Variants in SCHIP1 observed in about 807,000 individuals in gnomAD.
The protein encoded by SCHIP1 is schwannomin-interacting protein 1.
Under a neutral mutation model 29.7 loss-of-function variants are expected in SCHIP1, and 8 were observed. That is an observed-to-expected ratio of 0.27 (90% CI 0.16 to 0.49). SCHIP1 has a LOEUF of 0.49. Among genes scored for constraint, SCHIP1 ranks in the 20% least tolerant of loss-of-function variants. The pLI is 0.99. For missense variants in SCHIP1, 193 were observed against 294.6 expected, an observed-to-expected ratio of 0.66 and a Z score of 2.52; for synonymous variants, 76 against 94.9, an observed-to-expected ratio of 0.80 and a Z score of 1.16.
chr3:159,531,166 T>C, the SCHIP1 span, among the ~76,000 whole-genome samples: 4 of 152,204 alleles, frequency 2.6e-5, no homozygotes, highest in Non-Finnish European at 2.9e-5. Context: ...TAACTGACAC[T>C]CATGAGAATC....
chr3:159,448,859 T>C, the SCHIP1 span, among the ~76,000 whole-genome samples: 1 of 152,142 alleles, frequency 6.6e-6, no homozygotes, highest in Non-Finnish European at 1.5e-5. Flanking sequence ...CCTTGGGAAG[T>C]TACTCATGTC....
At chr3:159,478,405 A>C in the SCHIP1 span, among the ~76,000 whole-genome samples, 1 of 152,072 alleles carries the variant, frequency 6.6e-6, no homozygotes, top group Non-Finnish European at 1.5e-5. Context: ...TGTGGCCTTC[A>C]TTTGTGGGCC....
At chr3:159,710,282 A>G in the SCHIP1 span, among the ~76,000 whole-genome samples, 1 of 152,176 alleles carries the variant, frequency 6.6e-6, no homozygotes, top group Non-Finnish European at 1.5e-5. Flanking sequence ...AAATTTTGTC[A>G]TTTGAAACAA....
chr3:159,530,900 C>T, the SCHIP1 span, among the ~76,000 whole-genome samples: 8 of 152,158 alleles, frequency 5.3e-5, no homozygotes, highest in South Asian at 1.7e-3. Context: ...GTCAAGAGTA[C>T]CCTTCTGTGT....
At chr3:159,685,460 C>A in the SCHIP1 span, among the ~76,000 whole-genome samples, 1 of 152,160 alleles carries the variant, frequency 6.6e-6, no homozygotes, top group Admixed American at 6.5e-5. Flanking sequence ...ATCAACGACC[C>A]AAAATTTAGA....
the SCHIP1 span, among the ~76,000 whole-genome samples, chr3:159,727,562 AT>A: frequency 6.6e-6 from 1 of 152,098 alleles, no homozygotes; most frequent in Non-Finnish European, 1.5e-5. Context: ...TATTTATTCA[AT>A]TTTTTTAAAG....
chr3:159,426,756 C>T, the SCHIP1 span, among the ~76,000 whole-genome samples: 3 of 152,158 alleles, frequency 2.0e-5, no homozygotes, highest in Non-Finnish European at 4.4e-5. Flanking sequence ...GACCGATATC[C>T]TTGATGAACA....
At chr3:159,503,867 T>C in the SCHIP1 span, among the ~76,000 whole-genome samples, 77 of 152,168 alleles carry the variant, frequency 5.1e-4, no homozygotes, top group African/African-American at 1.8e-3. Context: ...GAATCATAGA[T>C]AAAAGGGGGA....
At chr3:159,445,540 G>T in the SCHIP1 span, among the ~76,000 whole-genome samples, 1 of 152,064 alleles carries the variant, frequency 6.6e-6, no homozygotes, top group African/African-American at 2.4e-5. Context: ...TATACCCAAA[G>T]GACTATAAAT....
chr3:159,559,044 AG>A, the SCHIP1 span, among the ~76,000 whole-genome samples: 1 of 152,240 alleles, frequency 6.6e-6, no homozygotes, highest in Admixed American at 6.5e-5. Context: ...CCTTCAGCTC[AG>A]TGCCATTCCC....
the SCHIP1 span, among the ~76,000 whole-genome samples, chr3:159,510,421 C>T: frequency 1.3e-5 from 2 of 152,182 alleles, no homozygotes; most frequent in Non-Finnish European, 2.9e-5. Context: ...GAACTTCCTC[C>T]TTTAGCTCGG....
At chr3:159,438,371 T>G in the SCHIP1 span, among the ~76,000 whole-genome samples, 1 of 152,002 alleles carries the variant, frequency 6.6e-6, no homozygotes, top group Non-Finnish European at 1.5e-5. Flanking sequence ...CTCAATCCCC[T>G]CAATCCAGAG....
the SCHIP1 span, among the ~76,000 whole-genome samples, chr3:159,600,120 T>C: frequency 6.6e-6 from 1 of 152,206 alleles, no homozygotes; most frequent in Non-Finnish European, 1.5e-5. Context: ...ACTAGGCACC[T>C]TTTTCATGTT....
At chr3:159,303,450 A>AAGAG in the SCHIP1 span, among the ~76,000 whole-genome samples, 105,774 of 147,952 alleles carry the variant, frequency 0.71, 38,331 homozygotes, top group Middle Eastern at 0.77. Flanking sequence ...GAGAGAGAGA[A>AAGAG]AGAGAGAGAG....
chr3:159,641,078 T>A, the SCHIP1 span, among the ~76,000 whole-genome samples: 58 of 152,260 alleles, frequency 3.8e-4, no homozygotes, highest in Non-Finnish European at 1.5e-5. Flanking sequence ...TAAATTTTTT[T>A]AGGGGAGAAC....
chr3:159,537,481 C>T, the SCHIP1 span, among the ~76,000 whole-genome samples: 1 of 152,168 alleles, frequency 6.6e-6, no homozygotes, highest in African/African-American at 2.4e-5. Flanking sequence ...GTTTGTCTCC[C>T]TCCAGTCTTC....
the SCHIP1 span, among the ~76,000 whole-genome samples, chr3:159,642,550 C>A: frequency 6.6e-6 from 1 of 152,074 alleles, no homozygotes; most frequent in African/African-American, 2.4e-5. Flanking sequence ...ATTCCATGAA[C>A]AAACACTAGA....
chr3:159,381,878 G>A, the SCHIP1 span, among the ~76,000 whole-genome samples: 21 of 152,094 alleles, frequency 1.4e-4, no homozygotes, highest in South Asian at 2.1e-4. Flanking sequence ...GATTACAGGC[G>A]TGAGCCACTG....
the SCHIP1 span, among the ~76,000 whole-genome samples, chr3:159,495,948 C>A: frequency 2.0e-5 from 3 of 152,198 alleles, no homozygotes; most frequent in East Asian, 3.9e-4. Flanking sequence ...GAAATAATGC[C>A]GCATATCTAC....
Sources: allele counts gnomAD v4.1 joint callset (sites outside exome capture counted in the v4.1 genomes callset), GRCh38; gene constraint gnomAD v4.1.1; transcripts MANE v1.5; gene names NCBI Gene and HGNC (gene_info 2026-07-23, HGNC 2026-07-21).